SLC30A8: variants seen among roughly 807,000 people sequenced by gnomAD.
The protein encoded by SLC30A8 is solute carrier family 30 member 8, also known as proton-coupled zinc antiporter SLC30A8.
Under a neutral mutation model 36.9 loss-of-function variants are expected in SLC30A8, and 27 were observed. The observed-to-expected ratio is 0.73, with a 90% confidence interval of 0.54 to 1.01. SLC30A8 has a LOEUF of 1.01. Ranked by LOEUF, SLC30A8 falls within the 50% of genes least tolerant of loss-of-function variation. The pLI is 0.00. For missense variants in SLC30A8, 439 were observed against 452.0 expected, an observed-to-expected ratio of 0.97 and a Z score of 0.26; for synonymous variants, 164 against 172.4, an observed-to-expected ratio of 0.95 and a Z score of 0.38.
intron 1 of SLC30A8, among the ~76,000 whole-genome samples, chr8:116,995,007 T>TTCACTTGTGACTGTGTAA: frequency 6.6e-6 from 1 of 152,140 alleles, no homozygotes; most frequent in Non-Finnish European, 1.5e-5. Flanking sequence ...TGACTGTGTG[T>TTCACTTGTGACTGTGTAA]TCACATCTGT....
intron 2 of SLC30A8, among the ~76,000 whole-genome samples, chr8:117,106,106 C>G (rs1027040952): frequency 6.6e-6 from 1 of 152,080 alleles, no homozygotes; most frequent in Non-Finnish European, 1.5e-5. Flanking sequence ...TTGTAGAAGG[C>G]CACCAAGCTC....
chr8:117,135,295 C>A lies in SLC30A8; in HGVS notation c.-33C>A. 1.3e-6 allele frequency: 2 copies of A among 1,549,060 alleles called. No individual in the cohort carries two copies. The highest frequency in any genetic ancestry group is 1.8e-6 in the Non-Finnish European group (2 of 1,136,874). On this transcript the variant is annotated 5_prime_UTR_variant, in exon 1 of 8. Transcript: ENST00000456015. ...AACTGGGCAGTGAGTTCAACAACAA[C>A]GACAACAACAGCCGCAGCTCATCCT...
chr8:117,154,808 T>G (rs1207541332), intron 3 of SLC30A8, among the ~76,000 whole-genome samples: 1 of 152,122 alleles, frequency 6.6e-6, no homozygotes, highest in Non-Finnish European at 1.5e-5. Flanking sequence ...AAATGTAGGG[T>G]GAACTCAGAA....
At chr8:117,057,649 C>T (rs1817912956) in intron 2 of SLC30A8, among the ~76,000 whole-genome samples, 1 of 152,072 alleles carries the variant, frequency 6.6e-6, no homozygotes. Context: ...GCTTATTTCA[C>T]AGAGTAATGT....
intron 1 of SLC30A8, among the ~76,000 whole-genome samples, chr8:116,970,365 G>T (rs1586341871): frequency 6.6e-6 from 1 of 152,218 alleles, no homozygotes; most frequent in East Asian, 1.9e-4. Context: ...CTGTTTTACA[G>T]TTCACATTTT....
At chr8:116,961,707 A>C (rs1002336369) in intron 1 of SLC30A8, among the ~76,000 whole-genome samples, 1 of 151,926 alleles carries the variant, frequency 6.6e-6, no homozygotes, top group Non-Finnish European at 1.5e-5. Context: ...GCCTTGCTGC[A>C]TACTATGGAG....
intron 2 of SLC30A8, among the ~76,000 whole-genome samples, chr8:117,097,519 AAT>A (rs556085949): frequency 6.4e-4 from 71 of 110,328 alleles, no homozygotes; most frequent in African/African-American, 2.4e-3. Context: ...AATTTTAAAT[AAT>A]ATATATTATA....
At chr8:116,992,122 A>G (rs936763276) in intron 1 of SLC30A8, among the ~76,000 whole-genome samples, 1 of 152,216 alleles carries the variant, frequency 6.6e-6, no homozygotes, top group Non-Finnish European at 1.5e-5. Flanking sequence ...AATGAACTAT[A>G]TTATAGGTGA....
chr8:117,086,826 G>A (rs1189433451), intron 2 of SLC30A8, among the ~76,000 whole-genome samples: 1 of 152,148 alleles, frequency 6.6e-6, no homozygotes. Flanking sequence ...TCATCCTGAT[G>A]GCATGGGCAA....
chr8:117,044,959 T>G (rs1817504042), intron 2 of SLC30A8, among the ~76,000 whole-genome samples: 1 of 152,154 alleles, frequency 6.6e-6, no homozygotes, highest in Non-Finnish European at 1.5e-5. Flanking sequence ...CGTGGCTCCA[T>G]CCACAAGATG....
intron 1 of SLC30A8, among the ~76,000 whole-genome samples, chr8:116,954,080 C>CTCCT (rs1814098483): frequency 6.6e-6 from 1 of 152,050 alleles, no homozygotes; most frequent in South Asian, 2.1e-4. Flanking sequence ...GAAGAATAAT[C>CTCCT]AATAATTTTT....
intron 2 of SLC30A8, among the ~76,000 whole-genome samples, chr8:117,102,812 A>G (rs1819785611): frequency 6.6e-6 from 1 of 152,104 alleles, no homozygotes; most frequent in Non-Finnish European, 1.5e-5. Context: ...TCCCAATACA[A>G]TACATGATGC....
intron 1 of SLC30A8, among the ~76,000 whole-genome samples, chr8:117,018,518 T>G (rs1816593913): frequency 6.6e-6 from 1 of 152,144 alleles, no homozygotes; most frequent in Non-Finnish European, 1.5e-5. Context: ...CATGTTTGGA[T>G]AGCACCACTG....
At chr8:117,013,654 G>A (rs1295376447) in intron 1 of SLC30A8, among the ~76,000 whole-genome samples, 1 of 152,068 alleles carries the variant, frequency 6.6e-6, no homozygotes, top group Non-Finnish European at 1.5e-5. Context: ...GTCAAGCTTT[G>A]GGATGAAGAT....
At chr8:116,990,162 A>G (rs889714954) in intron 1 of SLC30A8, among the ~76,000 whole-genome samples, 1 of 152,116 alleles carries the variant, frequency 6.6e-6, no homozygotes, top group South Asian at 2.1e-4. Context: ...TAATGTTGTT[A>G]TTGTTTTTGA....
At chr8:117,001,056 A>G (rs551226631) in intron 1 of SLC30A8, among the ~76,000 whole-genome samples, 17 of 152,246 alleles carry the variant, frequency 1.1e-4, no homozygotes, top group African/African-American at 3.6e-4. Flanking sequence ...GTATGAGAGT[A>G]ACCTTACCTT....
At chr8:116,966,267 C>T (rs1335331495) in intron 1 of SLC30A8, among the ~76,000 whole-genome samples, 1 of 152,134 alleles carries the variant, frequency 6.6e-6, no homozygotes, top group East Asian at 1.9e-4. Context: ...GCCTTCAACA[C>T]CTTTATATTA....
intron 2 of SLC30A8, among the ~76,000 whole-genome samples, chr8:117,041,830 G>A (rs149555985): frequency 4.0e-4 from 61 of 152,284 alleles, no homozygotes; most frequent in Admixed American, 1.2e-3. Context: ...TGCTTCTGCC[G>A]TCTTCAATAA....
intron 7 of SLC30A8, 152 bp downstream of exon 7, chr8:117,171,320 C>A: frequency 1.2e-6 from 1 of 821,856 alleles, no homozygotes; most frequent in Non-Finnish European, 2.0e-6. Context: ...TTGAAACCAG[C>A]CCACTTATTG....
Sources: allele counts gnomAD v4.1 joint callset (sites outside exome capture counted in the v4.1 genomes callset), GRCh38; gene constraint gnomAD v4.1.1; transcripts MANE v1.5; gene names NCBI Gene and HGNC (gene_info 2026-07-23, HGNC 2026-07-21).